The following MTUS2 variants were observed in gnomAD, a reference collection of about 807,000 sequenced individuals.
MTUS2 encodes the protein microtubule-associated tumor suppressor candidate 2.
In MTUS2, 40 loss-of-function variants were observed where a neutral mutation model predicts 114.1. The ratio of observed to expected loss-of-function variants is 0.35; its 90% confidence interval spans 0.27 to 0.46. The LOEUF (loss-of-function observed/expected upper bound fraction) is 0.46. MTUS2 is among the 20% of genes least tolerant of loss of function. The pLI is 1.00. For synonymous variants in MTUS2, 688 were observed against 672.0 expected, an observed-to-expected ratio of 1.02 and a Z score of -0.37; for missense variants, 1,679 against 1,705.4, an observed-to-expected ratio of 0.98 and a Z score of 0.27.
At chr13:29,168,903 T>TGTGTGTGTGTGTGG (rs1893433383) in intron 5 of MTUS2, among the ~76,000 whole-genome samples, 1 of 151,680 alleles carries the variant, frequency 6.6e-6, no homozygotes. Context: ...TGTGTGTGTG[T>TGTGTGTGTGTGTGG]GTGTGTGTGT....
intron 2 of MTUS2, among the ~76,000 whole-genome samples, chr13:29,017,132 A>T (rs1886099262): frequency 6.6e-6 from 1 of 152,258 alleles, no homozygotes; most frequent in East Asian, 1.9e-4. Context: ...CAATTATCCT[A>T]TTAAATGTGG....
intron 9 of MTUS2, among the ~76,000 whole-genome samples, chr13:29,470,595 T>C (rs1880213870): frequency 6.6e-6 from 1 of 152,244 alleles, no homozygotes; most frequent in African/African-American, 2.4e-5. Context: ...CTGTTCTCCA[T>C]GCAACTACCA....
chr13:29,490,700 G>A (rs560864502), intron 11 of MTUS2, among the ~76,000 whole-genome samples: 3 of 152,362 alleles, frequency 2.0e-5, no homozygotes, highest in African/African-American at 4.8e-5. Context: ...ATAGTTCTCC[G>A]AGTGCAGCCA....
chr13:29,466,684 A>G (rs1427794766), intron 9 of MTUS2, among the ~76,000 whole-genome samples: 1 of 152,020 alleles, frequency 6.6e-6, no homozygotes, highest in African/African-American at 2.4e-5. Context: ...CGAGACCAGC[A>G]TAGGCAACAT....
intron 5 of MTUS2, among the ~76,000 whole-genome samples, chr13:29,232,298 G>A (rs61945935): frequency 0.051 from 288 of 5,702 alleles, 1 homozygote; most frequent in African/African-American, 0.15. Context: ...ACACACACAC[G>A]CGCGCGCGCA....
intron 5 of MTUS2, among the ~76,000 whole-genome samples, chr13:29,146,736 C>T (rs931017192): frequency 3.9e-5 from 6 of 152,158 alleles, no homozygotes; most frequent in African/African-American, 1.4e-4. Flanking sequence ...GTAATCTTCA[C>T]ATTGTCTTGG....
chr13:29,083,277 G>A (rs920754386), intron 4 of MTUS2, among the ~76,000 whole-genome samples: 6 of 152,126 alleles, frequency 3.9e-5, no homozygotes, highest in South Asian at 2.1e-4. Flanking sequence ...CGAGTGTGTC[G>A]AATGTCGAAT....
At chr13:29,401,153 A>T (rs1295612831) in intron 8 of MTUS2, among the ~76,000 whole-genome samples, 2 of 151,990 alleles carry the variant, frequency 1.3e-5, no homozygotes, top group African/African-American at 2.4e-5. Flanking sequence ...GTGACTGGCT[A>T]ATTTTTACAT....
intron 1 of MTUS2, among the ~76,000 whole-genome samples, chr13:28,836,975 A>C (rs2137971355): frequency 6.6e-6 from 1 of 152,306 alleles, no homozygotes; most frequent in East Asian, 1.9e-4. Context: ...TGCCCCCCTT[A>C]GTCTCCTATT....
chr13:29,483,236 T>G (rs374738078), intron 10 of MTUS2, among the ~76,000 whole-genome samples: 12 of 152,316 alleles, frequency 7.9e-5, no homozygotes, highest in African/African-American at 2.9e-4. Flanking sequence ...CAGGGGCAGG[T>G]GCTGCTTCAG....
chr13:29,480,434 C>T lies in MTUS2; in HGVS notation c.3399+70C>T. On this transcript the variant is annotated intron_variant, in intron 10 of 15. Coordinates refer to ENST00000612955, the MANE Select transcript of MTUS2 (RefSeq NM_001033602.4). The surrounding 1 kb of genome is among the most constrained non-coding windows in gnomAD (Gnocchi z 4.4). The stretch of plus-strand genomic sequence containing the variant: ...GTGGCGGGCGGCGGGGATCCAGTGC[C>T]ACATTAGCAAGAAGTCCTATTCAGT... 1 of 1,430,652 alleles carries T rather than the reference C, an allele frequency of 7.0e-7. No homozygotes were observed. The highest frequency in any genetic ancestry group is 2.6e-4 in the Middle Eastern group (1 of 3,858). The allele number at this position is 1,430,652 out of a possible 1,614,324, so 88.6% of individuals were successfully genotyped here.
chr13:28,839,171 A>ATCT (rs1875302283), intron 1 of MTUS2, among the ~76,000 whole-genome samples: 2 of 152,150 alleles, frequency 1.3e-5, no homozygotes, highest in Admixed American at 6.5e-5. Context: ...CTAGCAACTA[A>ATCT]TCTTCCTGTT....
chr13:29,402,389 C>A (rs1473721853), intron 8 of MTUS2, among the ~76,000 whole-genome samples: 2 of 152,032 alleles, frequency 1.3e-5, no homozygotes, highest in Non-Finnish European at 2.9e-5. Context: ...GGTAGTAGAG[C>A]CAGAAGCTGA....
At chr13:29,229,389 A>G (rs1421565531) in intron 5 of MTUS2, among the ~76,000 whole-genome samples, 2 of 152,328 alleles carry the variant, frequency 1.3e-5, no homozygotes, top group African/African-American at 4.8e-5. Context: ...ATCATGGTTC[A>G]GGGTCAAGGA....
intron 5 of MTUS2, among the ~76,000 whole-genome samples, chr13:29,234,875 C>A (rs1241844053): frequency 1.3e-5 from 2 of 151,690 alleles, no homozygotes; most frequent in Middle Eastern, 3.2e-3. Context: ...TTTTATTAGT[C>A]TCTTATGTTT....
chr13:29,251,200 C>A (rs7987161), intron 5 of MTUS2, among the ~76,000 whole-genome samples: 137,355 of 151,978 alleles, frequency 0.9, 62,668 homozygotes, highest in Non-Finnish European at 0.97. Flanking sequence ...GGGGTTAAAA[C>A]CTTGAAGTTC....
chr13:28,836,462 GA>G, intron 1 of MTUS2, among the ~76,000 whole-genome samples: 1 of 152,334 alleles, frequency 6.6e-6, no homozygotes, highest in Admixed American at 6.5e-5. Context: ...AATATTTACT[GA>G]CATCTGTTCT....
chr13:29,223,455 T>TGAAGTGGACATGA (rs1895986791), intron 5 of MTUS2, among the ~76,000 whole-genome samples: 1 of 152,150 alleles, frequency 6.6e-6, no homozygotes. Context: ...CAGGACAACC[T>TGAAGTGGACATGA]GCCCGTGGAC....
intron 2 of MTUS2, among the ~76,000 whole-genome samples, chr13:28,866,788 A>T (rs1280429024): frequency 2.0e-5 from 3 of 152,044 alleles, no homozygotes; most frequent in Non-Finnish European, 2.9e-5. Context: ...GTATTGTTTG[A>T]TTAAAGGATG....
Sources: gnomAD v4.1 joint callset for allele counts (sites outside exome capture counted in the v4.1 genomes callset) on GRCh38, gnomAD v4.1.1 for gene constraint, Gnocchi (gnomAD v3.1) non-coding constraint, MANE v1.5 for transcripts, NCBI Gene and HGNC (gene_info 2026-07-23, HGNC 2026-07-21) for gene names.